ERICH1: variants seen among roughly 807,000 people sequenced by gnomAD.
The protein encoded by ERICH1 is glutamate rich 1.
In ERICH1, 56 loss-of-function variants were observed where a neutral mutation model predicts 39.6. That is an observed-to-expected ratio of 1.41 (90% CI 1.14 to 1.77). The LOEUF (loss-of-function observed/expected upper bound fraction) is 1.77, where lower values mean the gene tolerates loss of function less well. Ranked by LOEUF, ERICH1 falls within the 40% of genes most tolerant of loss-of-function variation. ERICH1 has a pLI of 0.00. For missense variants in ERICH1, 826 were observed against 575.4 expected (o/e 1.44, Z -4.45); for synonymous variants, 313 against 223.6 (o/e 1.40, Z -3.57).
intron 3 of ERICH1, among the ~76,000 whole-genome samples, chr8:639,141 G>C (rs549461554): frequency 3.9e-5 from 6 of 152,246 alleles, no homozygotes; most frequent in Admixed American, 3.9e-4. Context: ...GGGGAAGCTG[G>C]AAATGCCCAA....
At chr8:681,105 C>G (rs1455230495) in intron 3 of ERICH1, among the ~76,000 whole-genome samples, 1 of 152,230 alleles carries the variant, frequency 6.6e-6, no homozygotes, top group African/African-American at 2.4e-5. Flanking sequence ...ATGCATTTGG[C>G]AGGCTCTGCC....
At chr8:650,251 G>A (rs1338091478) in intron 3 of ERICH1, among the ~76,000 whole-genome samples, 1 of 152,202 alleles carries the variant, frequency 6.6e-6, no homozygotes, top group Non-Finnish European at 1.5e-5. Flanking sequence ...GCCAGGCCGA[G>A]TCAGCACTCT....
At chr8:722,923 A>G (rs11781956) in intron 1 of ERICH1, among the ~76,000 whole-genome samples, 20,499 of 152,270 alleles carry the variant, frequency 0.13, 1,779 homozygotes, top group Middle Eastern at 0.24. Flanking sequence ...GTGACTTTAC[A>G]ATGTAAAGCC....
At chr8:722,617 T>C (rs958575429) in intron 1 of ERICH1, among the ~76,000 whole-genome samples, 1 of 152,246 alleles carries the variant, frequency 6.6e-6, no homozygotes, top group African/African-American at 2.4e-5. Context: ...AGTTGCTGAA[T>C]TTAAAATCTA....
chr8:714,923 G>C (rs796817900), intron 2 of ERICH1, among the ~76,000 whole-genome samples: 27 of 151,016 alleles, frequency 1.8e-4, no homozygotes, highest in African/African-American at 6.6e-4. Flanking sequence ...TGCATCTCTC[G>C]GTGGGATGTA....
Position 668,707 on chromosome 8 carries a change from G to C in ERICH1, c.1149C>G (p.Pro383=). Residue 383 remains proline (P), a synonymous_variant, in exon 5 of 6, where the codon CCC becomes CCG. Transcript: ENST00000262109. ...TGTGGTACAGGATGGACACGTCTGA[G>C]GGCAGCATGCTGTGTGACGCAAGGC... ...LDRLASHSML[P]SDVSILYHMK... is the part of the protein sequence containing the mutation. 1 of 1,613,910 alleles carries C rather than the reference G, an allele frequency of 6.2e-7. No homozygotes were observed. The highest frequency in any genetic ancestry group is 8.5e-7 in the Non-Finnish European group (1 of 1,179,918).
At chr8:625,054 G>A (rs34885175) in intron 3 of ERICH1, among the ~76,000 whole-genome samples, 1 of 151,956 alleles carries the variant, frequency 6.6e-6, no homozygotes, top group Non-Finnish European at 1.5e-5. Context: ...CAGGCTTCCT[G>A]AGAACTCACT....
chr8:642,561 G>A (rs1161797265), intron 3 of ERICH1, among the ~76,000 whole-genome samples: 1 of 151,938 alleles, frequency 6.6e-6, no homozygotes, highest in East Asian at 1.9e-4. Context: ...AGCCAGGATG[G>A]TCTCGATCTT....
intron 2 of ERICH1, among the ~76,000 whole-genome samples, chr8:695,426 C>T (rs914794641): frequency 1.2e-4 from 19 of 152,192 alleles, no homozygotes; most frequent in Admixed American, 2.0e-4. Flanking sequence ...ATCCTTACGC[C>T]GCTCACCTGG....
chr8:650,154 G>T (rs973817621), intron 3 of ERICH1, among the ~76,000 whole-genome samples: 1 of 152,218 alleles, frequency 6.6e-6, no homozygotes, highest in Non-Finnish European at 1.5e-5. Flanking sequence ...GGGCGCTTGC[G>T]TGTCCGGCAC....
intron 3 of ERICH1, among the ~76,000 whole-genome samples, chr8:689,850 T>C (rs1585334594): frequency 6.6e-6 from 1 of 152,178 alleles, no homozygotes; most frequent in African/African-American, 2.4e-5. Flanking sequence ...TCCACATCAC[T>C]GTAATAGACT....
intron 2 of ERICH1, among the ~76,000 whole-genome samples, chr8:715,213 T>TC (rs980733162): frequency 7.0e-6 from 1 of 142,652 alleles, no homozygotes; most frequent in African/African-American, 2.7e-5. Flanking sequence ...TGGTCTCTTC[T>TC]CGTGTCTCTC....
chr8:720,014 C>G (rs1270642887), intron 1 of ERICH1, among the ~76,000 whole-genome samples: 1 of 152,102 alleles, frequency 6.6e-6, no homozygotes, highest in African/African-American at 2.4e-5. Flanking sequence ...CTGGAACCAG[C>G]CCCTTCTCCA....
At chr8:614,961 G>A in exon 4 of ERICH1, 1 of 358,388 alleles carries the variant, frequency 2.8e-6, no homozygotes, top group Admixed American at 4.6e-5. Context: ...GACAAACTGT[G>A]ACTGAGCCAC....
intron 3 of ERICH1, among the ~76,000 whole-genome samples, chr8:629,825 A>G (rs1797863985): frequency 7.2e-6 from 1 of 139,738 alleles, no homozygotes; most frequent in African/African-American, 3.0e-5. Context: ...ACCCACACAG[A>G]CAAAGCTGAC....
chr8:676,580 C>G (rs930024374), intron 3 of ERICH1, among the ~76,000 whole-genome samples: 1 of 152,154 alleles, frequency 6.6e-6, no homozygotes, highest in Non-Finnish European at 1.5e-5. Context: ...AGAAGGGTAT[C>G]AGATAAGTAA....
Position 682,399 on chromosome 8 carries a change from A to G in ERICH1, c.305-8352T>C, listed in dbSNP as rs562944929. ...CTCTGAGGCCCTGAGCATGTGCTCT[A>G]TGCTCTGGCGTCCTGGTGGCTCTGA... On this transcript the variant is annotated intron_variant, in intron 3 of 5. Transcript: ENST00000262109. 7.9e-5 allele frequency among the ~76,000 whole-genome samples: 12 copies of G among 152,340 alleles called. No homozygotes were observed. The South Asian group carries it at 2.1e-3, about 26-fold the overall frequency.
chr8:673,165 C>T, intron 4 of ERICH1, 124 bp downstream of exon 4: 1 of 1,208,972 alleles, frequency 8.3e-7, no homozygotes, highest in South Asian at 1.6e-5. Context: ...AGTTGCCTTA[C>T]AACTAATTAT....
intron 2 of ERICH1, among the ~76,000 whole-genome samples, chr8:697,260 A>C (rs565673989): frequency 1.4e-4 from 21 of 152,284 alleles, no homozygotes; most frequent in Admixed American, 1.2e-3. Context: ...CCAGGGGACA[A>C]GGCGGACACC....
Sources: gnomAD v4.1 joint callset for allele counts (sites outside exome capture counted in the v4.1 genomes callset) on GRCh38, gnomAD v4.1.1 for gene constraint, MANE v1.5 for transcripts, NCBI Gene and HGNC (gene_info 2026-07-23, HGNC 2026-07-21) for gene names.